The following AGAP1 variants were observed in gnomAD, a reference collection of about 807,000 sequenced individuals.
The protein encoded by AGAP1 is arf-GAP with GTPase, ANK repeat and PH domain-containing protein 1.
A neutral mutation model predicts 105.3 loss-of-function variants in AGAP1; 29 were observed. The observed-to-expected ratio is 0.28, with a 90% CI of 0.21 to 0.38. The LOEUF (loss-of-function observed/expected upper bound fraction) is 0.38. Ranked by LOEUF, AGAP1 falls within the 10% of genes least tolerant of loss-of-function variation. The pLI, the probability that AGAP1 is intolerant of heterozygous loss-of-function variation, is 1.00. For synonymous variants in AGAP1, 509 were observed against 485.9 expected (o/e 1.05, Z -0.63); for missense variants, 998 against 1,165.1 (o/e 0.86, Z 2.09).
intron 12 of AGAP1, among the ~76,000 whole-genome samples, chr2:235,940,700 A>C (rs1252977397): frequency 6.6e-6 from 1 of 152,214 alleles, no homozygotes; most frequent in African/African-American, 2.4e-5. Flanking sequence ...ACAAGTGGTC[A>C]TCCTGCCCCT....
chr2:235,741,047 A>C lies in AGAP1; in HGVS notation c.395A>C (p.Gln132Pro), dbSNP rs1435323446. The change falls in exon 4 of 18, where the codon CAG (glutamine) becomes CCG (proline). Residue 132 changes from glutamine (Q) to proline (P), a missense_variant and splice_region_variant. Gln to Pro is a moderately conservative substitution (Grantham distance 76, BLOSUM62 -1). Around this residue, in one of 3 missense-constraint regions of AGAP1, gnomAD observed 735 missense variants for 833.4 expected, o/e 0.88. Transcript: ENST00000304032. This position sits in a 1 kb window ranked among gnomAD's most constrained non-coding sequence, Gnocchi z 4.9. ...IRDEGGPPEA[Q>P]FAMWVDAVIF... is the part of the protein sequence containing the mutation. The stretch of plus-strand genomic sequence containing the variant: ...GATGAAGGGGGCCCCCCGGAGGCGC[A>C]GGTGAGTATACATGCATGCCCCAAG... The C allele has an allele frequency of 6.2e-7, 1 of 1,613,956 alleles. No homozygotes were observed. Among genetic ancestry groups the C allele is most frequent in the Admixed American group, 1.7e-5 (1 of 60,034 alleles).
chr2:235,908,156 G>A lies in AGAP1; in HGVS notation c.1156-582G>A, dbSNP rs180787160. 4.1e-3 allele frequency among the ~76,000 whole-genome samples: 623 copies of A among 152,256 alleles called. 2 individuals carry two copies. Among genetic ancestry groups the A allele is most frequent in the Middle Eastern group, 0.027 (8 of 294 alleles). On this transcript the variant is annotated intron_variant, in intron 10 of 17. Transcript: ENST00000304032. The surrounding 1 kb of genome is among the most constrained non-coding windows in gnomAD (Gnocchi z 4.4). ...CCAGAGAGCAGTCACTGTCCACCGA[G>A]GCTTCCCTGTAGTTCTCTGATTGCT...
At chr2:235,698,243 G>T (rs1179068311) in intron 1 of AGAP1, among the ~76,000 whole-genome samples, 2 of 150,974 alleles carry the variant, frequency 1.3e-5, no homozygotes, top group Non-Finnish European at 1.5e-5. Flanking sequence ...GAGCTTATGG[G>T]GAGCAGCTGT....
intron 6 of AGAP1, chr2:235,773,777 A>G (rs1252045754): frequency 2.7e-6 from 1 of 369,578 alleles, no homozygotes; most frequent in Admixed American, 4.0e-5. Context: ...TTCTTCGGAG[A>G]ATCACAGTTT....
chr2:235,809,155 G>C (rs921142864), intron 9 of AGAP1, among the ~76,000 whole-genome samples: 6 of 152,068 alleles, frequency 3.9e-5, no homozygotes, highest in Admixed American at 2.6e-4. Flanking sequence ...CTCTGTGCGA[G>C]CCAGGTGGGC....
intron 1 of AGAP1, among the ~76,000 whole-genome samples, chr2:235,512,968 G>T (rs746554): frequency 0.035 from 5,255 of 152,306 alleles, 323 homozygotes; most frequent in African/African-American, 0.12. Flanking sequence ...GATTCCTCTG[G>T]CAGCATCTGT....
chr2:235,643,431 C>CAAAAAAAAAAAAAA (rs56146940), intron 1 of AGAP1, among the ~76,000 whole-genome samples: 11 of 61,418 alleles, frequency 1.8e-4, no homozygotes, highest in African/African-American at 7.5e-4. Context: ...GACTGGGTCT[C>CAAAAAAAAAAAAAA]AAAAAAAAAA....
At chr2:235,857,166 A>G (rs1324383187) in intron 9 of AGAP1, among the ~76,000 whole-genome samples, 4 of 152,150 alleles carry the variant, frequency 2.6e-5, no homozygotes, top group African/African-American at 9.7e-5. Flanking sequence ...CGAGTGAGTG[A>G]GCATTACTGC....
At chr2:235,853,267 C>T in intron 9 of AGAP1, 12 of 973,270 alleles carry the variant, frequency 1.2e-5, no homozygotes, top group Non-Finnish European at 1.5e-5. Flanking sequence ...ATGGCTCCCC[C>T]TACTCTGCTT....
chr2:235,561,813 C>A (rs537522926), intron 1 of AGAP1, among the ~76,000 whole-genome samples: 1 of 152,118 alleles, frequency 6.6e-6, no homozygotes, highest in African/African-American at 2.4e-5. Context: ...GAGCCTAAGC[C>A]GCTTCTGTTT....
chr2:235,508,609 G>A (rs1230668054), intron 1 of AGAP1, among the ~76,000 whole-genome samples: 1 of 152,164 alleles, frequency 6.6e-6, no homozygotes, highest in Non-Finnish European at 1.5e-5. Context: ...GACTGCCTGC[G>A]ATTACAGGTC....
At chr2:235,895,495 C>T (rs893030510) in intron 10 of AGAP1, among the ~76,000 whole-genome samples, 2 of 152,208 alleles carry the variant, frequency 1.3e-5, no homozygotes, top group South Asian at 4.1e-4. Flanking sequence ...CTTTGCCTCA[C>T]TAACTCCTCT....
In AGAP1 at chr2:235,744,886, T is replaced by G; in HGVS notation, c.538+47T>G. On this transcript the variant is annotated intron_variant, in intron 5 of 17. Transcript: ENST00000304032. This position sits in a 1 kb window ranked among gnomAD's most constrained non-coding sequence, Gnocchi z 5.2. ...ATTGTTTTGAAAGGGTTCTAACAGTTACATATTTTCAGTATGGAGGAGTTT... is the reference window on the plus strand; with the variant it reads ...ATTGTTTTGAAAGGGTTCTAACAGTGACATATTTTCAGTATGGAGGAGTTT... The G allele has an allele frequency of 6.2e-7, 1 of 1,601,934 alleles. No individual in the cohort carries two copies. Among genetic ancestry groups the G allele is most frequent in the Non-Finnish European group, 8.5e-7 (1 of 1,171,472 alleles).
intron 3 of AGAP1, among the ~76,000 whole-genome samples, chr2:235,735,546 G>A (rs1006770005): frequency 2.6e-5 from 4 of 152,114 alleles, no homozygotes; most frequent in Admixed American, 6.5e-5. Flanking sequence ...AATAGTAATC[G>A]TGAAAGGCTA....
At chr2:235,679,513 A>G (rs1211127494) in intron 1 of AGAP1, among the ~76,000 whole-genome samples, 1 of 152,160 alleles carries the variant, frequency 6.6e-6, no homozygotes, top group Admixed American at 6.5e-5. Context: ...GTTACCTTAA[A>G]ATTATAAATG....
chr2:235,650,027 G>A (rs1947528062), intron 1 of AGAP1, among the ~76,000 whole-genome samples: 1 of 152,170 alleles, frequency 6.6e-6, no homozygotes, highest in Admixed American at 6.5e-5. Context: ...ATATCTTTAT[G>A]ATTAGATGGT....
chr2:235,585,140 T>C (rs1945065171), intron 1 of AGAP1, among the ~76,000 whole-genome samples: 1 of 152,114 alleles, frequency 6.6e-6, no homozygotes, highest in African/African-American at 2.4e-5. Context: ...TTGTAACAAA[T>C]TACCACACAC....
intron 13 of AGAP1, among the ~76,000 whole-genome samples, chr2:236,008,924 A>G (rs946798523): frequency 6.6e-6 from 1 of 152,208 alleles, no homozygotes; most frequent in Non-Finnish European, 1.5e-5. Context: ...TGTGGCTCCA[A>G]ATTACGAAGA....
chr2:236,077,126 G>GA (rs200778447), intron 16 of AGAP1, among the ~76,000 whole-genome samples: 12 of 117,512 alleles, frequency 1.0e-4, no homozygotes, highest in South Asian at 3.0e-4. Flanking sequence ...AAAAAGAGTA[G>GA]AAAAAAAAAA....
Sources: gnomAD v4.1 joint callset for allele counts (sites outside exome capture counted in the v4.1 genomes callset) on GRCh38, gnomAD v4.1.1 for gene constraint, gnomAD v4.1.1 regional missense constraint, Gnocchi (gnomAD v3.1) non-coding constraint, MANE v1.5 for transcripts, NCBI Gene and HGNC (gene_info 2026-07-23, HGNC 2026-07-21) for gene names.